The following SH3RF2 variants were observed in gnomAD, a reference collection of about 807,000 sequenced individuals.
The protein encoded by SH3RF2 is SH3 domain containing ring finger 2.
In SH3RF2, 43 loss-of-function variants were observed where a neutral mutation model predicts 59.0. The ratio of observed to expected loss-of-function variants is 0.73; its 90% confidence interval spans 0.57 to 0.94. SH3RF2 has a LOEUF of 0.94. Among genes scored for constraint, SH3RF2 ranks in the 40% least tolerant of loss-of-function variants. The pLI is 0.00. For missense variants in SH3RF2, 930 were observed against 940.1 expected (o/e 0.99, Z 0.14); for synonymous variants, 391 against 391.5 (o/e 1.00, Z 0.01).
At chr5:146,067,009 T>C (rs1763123547), downstream of SH3RF2, among the ~76,000 whole-genome samples, 1 of 152,094 alleles carries the variant, frequency 6.6e-6, no homozygotes, top group African/African-American at 2.4e-5. Context: ...GGACATACTC[T>C]GAGGACCATA....
chr5:145,985,804 C>T (rs1434335470), intron 2 of SH3RF2, among the ~76,000 whole-genome samples: 3 of 152,038 alleles, frequency 2.0e-5, no homozygotes, highest in Non-Finnish European at 2.9e-5. Flanking sequence ...GCATTTGAGA[C>T]CAGCCTGAGC....
At chr5:145,951,519 T>C (rs983081769) in intron 2 of SH3RF2, among the ~76,000 whole-genome samples, 2 of 152,180 alleles carry the variant, frequency 1.3e-5, no homozygotes, top group Admixed American at 6.5e-5. Flanking sequence ...GCAAGACATC[T>C]TGAAGGTCCT....
chr5:146,059,677 C>T (rs955887121), intron 8 of SH3RF2, among the ~76,000 whole-genome samples, 189 bp from the exon 9 acceptor site: 3 of 152,104 alleles, frequency 2.0e-5, no homozygotes, highest in African/African-American at 7.2e-5. Context: ...ATATTTGCTG[C>T]CAGCATCAGC....
intron 9 of SH3RF2, among the ~76,000 whole-genome samples, chr5:146,078,013 T>A (rs1213454419): frequency 6.6e-6 from 1 of 152,032 alleles, no homozygotes; most frequent in African/African-American, 2.4e-5. Context: ...CATAAATAAA[T>A]AAATGTAGGA....
chr5:146,064,782 AGGAAGGAAGGAAGGAAGGAAGGAAGG>A (rs1763042742), downstream of SH3RF2, among the ~76,000 whole-genome samples: 4 of 16,690 alleles, frequency 2.4e-4, no homozygotes, highest in Admixed American at 5.4e-4. Context: ...AAGGAAAGGA[AGGAAGGAAGGAAGGAAGGAAGGAAGG>A]AAAGAAAGAA....
rs1758962197 is a variant in SH3RF2 at position 145,968,912 on chromosome 5, G to T, written c.378+30606G>T. On this transcript the variant is annotated intron_variant, in intron 2 of 9. Coordinates refer to ENST00000359120, the MANE Select transcript of SH3RF2 (RefSeq NM_152550.4). ...TTAGAAGAGAAAGGAAATGAGATAT[G>T]CATATTTTCTTTATACATTCTATAG... Among the ~76,000 whole-genome samples the T allele has an allele frequency of 2.6e-5, 4 of 152,136 alleles. No individual in the cohort carries two copies. In the South Asian group the frequency reaches 8.3e-4, roughly 32 times the overall value.
At chr5:146,077,352 A>C (rs1763358751) in intron 9 of SH3RF2, among the ~76,000 whole-genome samples, 1 of 152,200 alleles carries the variant, frequency 6.6e-6, no homozygotes, top group Non-Finnish European at 1.5e-5. Flanking sequence ...ATCAAAATAC[A>C]ATATTTGAGA....
At chr5:146,039,403 A>T (rs1384884782) in intron 5 of SH3RF2, among the ~76,000 whole-genome samples, 1 of 152,196 alleles carries the variant, frequency 6.6e-6, no homozygotes, top group Non-Finnish European at 1.5e-5. Flanking sequence ...TTTAATACAA[A>T]AATAATAAAT....
chr5:145,997,157 G>T, intron 2 of SH3RF2: 1 of 691,640 alleles, frequency 1.4e-6, no homozygotes, highest in Non-Finnish European at 2.6e-6. Context: ...ACTTCCTGTT[G>T]CTCCTCATTC....
In SH3RF2 at chr5:145,937,808, C is replaced by T. The variant is rs1240763524; in HGVS notation, c.-106-15C>T. On this transcript the variant is annotated splice_polypyrimidine_tract_variant and intron_variant, in intron 1 of 9. Coordinates refer to ENST00000359120, the MANE Select transcript of SH3RF2 (RefSeq NM_152550.4). ...AGTCACATTTTTTTTTCTCTCCTCT[C>T]CCTCCTTCAAGCAGGCAAAAATTCT... 64 of 1,199,766 alleles carry T rather than the reference C, an allele frequency of 5.3e-5. No homozygotes were observed. The highest frequency in any genetic ancestry group is 7.4e-5 in the Non-Finnish European group (64 of 859,698). The allele number at this position is 1,199,766 out of a possible 1,614,324, so 74.3% of individuals were successfully genotyped here.
rs200614657 is a variant in SH3RF2 at position 146,060,242 on chromosome 5, T to C, written c.1914+18T>C. 1.5e-4 allele frequency: 238 copies of C among 1,575,844 alleles called. No homozygotes were observed. Among genetic ancestry groups the C allele is most frequent in the Middle Eastern group, 1.0e-3 (6 of 5,890 alleles). ...TCGAAAAGGTAGGATCAGAGTGACA[T>C]TGGGGGCCCAACTCTTTCGATCCCG... is the stretch of plus-strand genomic sequence containing the variant. On this transcript the variant is annotated intron_variant, in intron 9 of 9. Coordinates refer to ENST00000359120, the MANE Select transcript of SH3RF2 (RefSeq NM_152550.4).
chr5:145,945,796 C>G (rs969130275), intron 2 of SH3RF2, among the ~76,000 whole-genome samples: 2 of 152,168 alleles, frequency 1.3e-5, no homozygotes, highest in African/African-American at 4.8e-5. Context: ...TCCAGCAGCC[C>G]TCATGCCAGA....
At chr5:146,032,099 A>T (rs1179155107) in intron 5 of SH3RF2, among the ~76,000 whole-genome samples, 1 of 152,136 alleles carries the variant, frequency 6.6e-6, no homozygotes, top group African/African-American at 2.4e-5. Context: ...TGTATATTTT[A>T]TTCGTCTGTT....
At chr5:146,020,460 T>A (rs1209692726) in intron 5 of SH3RF2, among the ~76,000 whole-genome samples, 1 of 152,204 alleles carries the variant, frequency 6.6e-6, no homozygotes, top group East Asian at 1.9e-4. Context: ...CTTCTGGAAT[T>A]TATTTTTGTT....
chr5:145,947,662 A>G (rs1358462342), intron 2 of SH3RF2, among the ~76,000 whole-genome samples: 1 of 152,248 alleles, frequency 6.6e-6, no homozygotes, highest in Non-Finnish European at 1.5e-5. Context: ...GATAATTCTT[A>G]TAAAGCTCAT....
chr5:146,026,589 A>T (rs1311833752), intron 5 of SH3RF2, among the ~76,000 whole-genome samples: 2 of 152,174 alleles, frequency 1.3e-5, no homozygotes, highest in African/African-American at 4.8e-5. Context: ...GGGAGCACAC[A>T]TTTACACAAC....
At chr5:145,951,007 A>G (rs1281086087) in intron 2 of SH3RF2, among the ~76,000 whole-genome samples, 1 of 152,256 alleles carries the variant, frequency 6.6e-6, no homozygotes, top group African/African-American at 2.4e-5. Context: ...ATATTCCAGC[A>G]ACCCAAATTT....
chr5:146,044,115 A>G (rs1229574610), intron 5 of SH3RF2, among the ~76,000 whole-genome samples: 5 of 151,376 alleles, frequency 3.3e-5, no homozygotes, highest in African/African-American at 7.3e-5. Flanking sequence ...CCTCACCAAC[A>G]CTTGGTATGA....
chr5:146,025,977 C>A (rs186343701), intron 5 of SH3RF2, among the ~76,000 whole-genome samples: 5 of 152,334 alleles, frequency 3.3e-5, no homozygotes, highest in Non-Finnish European at 5.9e-5. Flanking sequence ...CCCCTCTTTC[C>A]TCCAAGGGGA....
Sources: allele counts gnomAD v4.1 joint callset (sites outside exome capture counted in the v4.1 genomes callset), GRCh38; gene constraint gnomAD v4.1.1; transcripts MANE v1.5; gene names NCBI Gene and HGNC (gene_info 2026-07-23, HGNC 2026-07-21).